DNM3: variants seen among roughly 807,000 people sequenced by gnomAD.
The protein encoded by DNM3 is dynamin-3.
DNM3 carries 47 observed loss-of-function variants against 101.6 expected under a neutral mutation model. That is an observed-to-expected ratio of 0.46 (90% CI 0.37 to 0.59). The LOEUF (loss-of-function observed/expected upper bound fraction) is 0.59, where lower values mean the gene tolerates loss of function less well. Ranked by LOEUF, DNM3 falls within the 20% of genes least tolerant of loss-of-function variation. DNM3 has a pLI of 0.00. For synonymous variants in DNM3, 385 were observed against 387.9 expected (o/e 0.99, Z 0.09); for missense variants, 849 against 1,085.7 (o/e 0.78, Z 3.06).
chr1:172,374,967 TAAAC>T (rs1444824231), intron 17 of DNM3, among the ~76,000 whole-genome samples: 2 of 152,098 alleles, frequency 1.3e-5, no homozygotes, highest in Non-Finnish European at 2.9e-5. Flanking sequence ...AAGTGCCTGT[TAAAC>T]AAATAGTATA....
At chr1:172,165,608 C>A (rs484516) in intron 14 of DNM3, among the ~76,000 whole-genome samples, 33 of 152,000 alleles carry the variant, frequency 2.2e-4, no homozygotes, top group African/African-American at 6.8e-4. Flanking sequence ...GGGATTTCCC[C>A]TTCTACCTCA....
chr1:171,859,623 A>G (rs562043151), intron 1 of DNM3, among the ~76,000 whole-genome samples: 20 of 152,306 alleles, frequency 1.3e-4, no homozygotes, highest in Non-Finnish European at 2.2e-4. Flanking sequence ...AAAGACAGTA[A>G]TAAGTGAAAA....
In DNM3 at chr1:172,412,065, A is replaced by G. The variant is rs556040857; in HGVS notation, c.*4224A>G. On this transcript the variant is annotated 3_prime_UTR_variant, in exon 21 of 21. Coordinates refer to ENST00000627582, the MANE Select transcript of DNM3 (RefSeq NM_015569.5). ...TTTGTGTGTGTGTGTGTGTCTTTGT[A>G]TATATGTAAGAATGTGTGTATGTGT... 2 of 985,396 alleles carry G rather than the reference A, an allele frequency of 2.0e-6. No individual in the cohort carries two copies. The highest frequency in any genetic ancestry group is 3.5e-5 in the African/African-American group (2 of 57,276). 61.0% of individuals were successfully genotyped at this position (985,396 alleles called of 1,614,324 possible).
intron 1 of DNM3, among the ~76,000 whole-genome samples, chr1:171,895,961 T>G (rs1019853319): frequency 3.3e-5 from 5 of 152,190 alleles, no homozygotes; most frequent in African/African-American, 1.2e-4. Flanking sequence ...ATGGGTGGTG[T>G]TATTTCTGAG....
At chr1:172,215,024 T>C (rs1233896535) in intron 14 of DNM3, among the ~76,000 whole-genome samples, 1 of 152,138 alleles carries the variant, frequency 6.6e-6, no homozygotes, top group Non-Finnish European at 1.5e-5. Flanking sequence ...ATAAACAATA[T>C]GCAACTATTT....
intron 17 of DNM3, among the ~76,000 whole-genome samples, chr1:172,330,336 T>G (rs1573494322): frequency 6.6e-6 from 1 of 152,182 alleles, no homozygotes; most frequent in East Asian, 1.9e-4. Context: ...GATATATATA[T>G]AGAAATTTTC....
intron 13 of DNM3, among the ~76,000 whole-genome samples, chr1:172,117,836 G>A (rs1465883939): frequency 6.6e-6 from 1 of 152,204 alleles, no homozygotes; most frequent in African/African-American, 2.4e-5. Context: ...AAAAGGTAGT[G>A]ATACATAAGG....
At chr1:172,269,028 T>A (rs2062979159) in intron 15 of DNM3, among the ~76,000 whole-genome samples, 1 of 152,200 alleles carries the variant, frequency 6.6e-6, no homozygotes, top group Admixed American at 6.5e-5. Context: ...TAGGATAGAA[T>A]CAGCAACTTC....
In DNM3 at chr1:172,410,565, T is replaced by C; in HGVS notation, c.*2724T>C. ...CTAATTGGAATAACCATTTACTCAA[T>C]TATGGACAGCTTATTGAAATAGTAT... is the stretch of plus-strand genomic sequence containing the variant. On this transcript the variant is annotated 3_prime_UTR_variant, in exon 21 of 21. Transcript: ENST00000627582. 1 of 984,630 alleles carries C rather than the reference T, an allele frequency of 1.0e-6. No homozygotes were observed. Among genetic ancestry groups the C allele is most frequent in the Non-Finnish European group, 1.2e-6 (1 of 829,180 alleles). The allele number at this position is 984,630 out of a possible 1,614,324, so 61.0% of individuals were successfully genotyped here.
chr1:172,286,504 G>A (rs2063708876), intron 15 of DNM3, among the ~76,000 whole-genome samples: 1 of 152,168 alleles, frequency 6.6e-6, no homozygotes, highest in Non-Finnish European at 1.5e-5. Flanking sequence ...CATGACCTGT[G>A]GCTGTTTGGC....
chr1:171,903,301 ATAGAC>A (rs1211364989), intron 1 of DNM3, among the ~76,000 whole-genome samples: 14 of 152,224 alleles, frequency 9.2e-5, no homozygotes, highest in South Asian at 2.1e-4. Flanking sequence ...GTTTGCTGTC[ATAGAC>A]TAGACAGTGG....
intron 1 of DNM3, among the ~76,000 whole-genome samples, chr1:171,904,672 G>A (rs993056189): frequency 3.3e-5 from 5 of 151,950 alleles, no homozygotes; most frequent in South Asian, 2.1e-4. Flanking sequence ...TTTTTTTTGC[G>A]GGTAGTTGAA....
At chr1:172,186,904 C>T (rs971870015) in intron 14 of DNM3, among the ~76,000 whole-genome samples, 18 of 152,054 alleles carry the variant, frequency 1.2e-4, no homozygotes, top group African/African-American at 4.3e-4. Flanking sequence ...GGTTGTGAAC[C>T]CTAGCTATGG....
intron 10 of DNM3, among the ~76,000 whole-genome samples, chr1:172,050,211 C>T (rs1452551046): frequency 2.0e-5 from 3 of 152,184 alleles, no homozygotes; most frequent in Non-Finnish European, 4.4e-5. Flanking sequence ...TGCAACCTAT[C>T]GTGTCCCTTG....
In DNM3 at chr1:171,987,754, A is replaced by T; in HGVS notation, c.334A>T (p.Asn112Tyr). The T allele has an allele frequency of 6.2e-7, 1 of 1,603,398 alleles. No homozygotes were observed. The highest frequency in any genetic ancestry group is 8.5e-7 in the Non-Finnish European group (1 of 1,176,456). ...AGAAACAGATCGCGTGACTGGAATG[A>T]ATAAAGGCATTTCCTCCATACCCAT... is the stretch of plus-strand genomic sequence containing the variant. ...EAETDRVTGM[N>Y]KGISSIPINL... The change falls in exon 3 of 21, where the codon AAT becomes TAT. Residue 112 changes from asparagine to tyrosine, a missense_variant. By Grantham distance (143) the Asn-to-Tyr change is moderately radical (BLOSUM62 -2). Coordinates refer to ENST00000627582, the MANE Select transcript of DNM3 (RefSeq NM_015569.5).
At chr1:172,045,651 T>G (rs2049736842) in intron 9 of DNM3, among the ~76,000 whole-genome samples, 1 of 152,212 alleles carries the variant, frequency 6.6e-6, no homozygotes, top group Non-Finnish European at 1.5e-5. Context: ...AAGCACATAT[T>G]TATTCATTTC....
At chr1:171,880,318 T>G (rs559719809) in intron 1 of DNM3, among the ~76,000 whole-genome samples, 3 of 152,354 alleles carry the variant, frequency 2.0e-5, no homozygotes, top group African/African-American at 7.2e-5. Flanking sequence ...CAGTAATCAG[T>G]AATTACATAG....
chr1:172,179,868 A>G (rs2059282842), intron 14 of DNM3, among the ~76,000 whole-genome samples: 1 of 152,038 alleles, frequency 6.6e-6, no homozygotes, highest in Non-Finnish European at 1.5e-5. Context: ...CTGAGAGGTT[A>G]ATTAGATTTT....
At chr1:172,110,878 A>G (rs74572115) in intron 13 of DNM3, among the ~76,000 whole-genome samples, 2,397 of 152,246 alleles carry the variant, frequency 0.016, 66 homozygotes, top group African/African-American at 0.054. Context: ...TCTACGAAAG[A>G]TACAAAAATT....
Sources: gnomAD v4.1 joint callset for allele counts (sites outside exome capture counted in the v4.1 genomes callset) on GRCh38, gnomAD v4.1.1 for gene constraint, MANE v1.5 for transcripts, NCBI Gene and HGNC (gene_info 2026-07-23, HGNC 2026-07-21) for gene names.